NEGR1: variants seen among roughly 807,000 people sequenced by gnomAD.
NEGR1 encodes neuronal growth regulator 1, also known as IgLON family member 4.
In NEGR1, 10 loss-of-function variants were observed where a neutral mutation model predicts 40.9. The observed-to-expected ratio is 0.24, with a 90% CI of 0.15 to 0.42. The LOEUF is 0.42. Ranked by LOEUF, NEGR1 falls within the 10% of genes least tolerant of loss-of-function variation. NEGR1 has a pLI of 1.00. For synonymous variants in NEGR1, 185 were observed against 166.8 expected, an observed-to-expected ratio of 1.11 and a Z score of -0.84; for missense variants, 352 against 438.9, an observed-to-expected ratio of 0.80 and a Z score of 1.77.
chr1:72,279,564 G>T (rs2100570091), intron 1 of NEGR1, among the ~76,000 whole-genome samples: 1 of 152,272 alleles, frequency 6.6e-6, no homozygotes, highest in East Asian at 1.9e-4. Context: ...ATTTTGATGG[G>T]ACAAGGGCAT....
At chr1:72,160,236 A>C (rs1228361541) in intron 1 of NEGR1, among the ~76,000 whole-genome samples, 1 of 152,170 alleles carries the variant, frequency 6.6e-6, no homozygotes, top group Non-Finnish European at 1.5e-5. Context: ...TGATGCGTGA[A>C]CAATATTAGC....
intron 2 of NEGR1, among the ~76,000 whole-genome samples, chr1:71,854,508 T>G (rs1659702329): frequency 6.6e-6 from 1 of 152,100 alleles, no homozygotes. Context: ...AATCAATTGG[T>G]CAGTCAAAAG....
intron 6 of NEGR1, among the ~76,000 whole-genome samples, chr1:71,500,614 AAGTTATCATTACATTAAAT>A (rs1646992769): frequency 6.6e-6 from 1 of 152,040 alleles, no homozygotes. Flanking sequence ...TTACATTAAA[AAGTTATCATTACATTAAAT>A]GTCAGCACTT....
chr1:71,513,223 T>C (rs1237894399), intron 6 of NEGR1, among the ~76,000 whole-genome samples: 3 of 152,188 alleles, frequency 2.0e-5, no homozygotes, highest in Non-Finnish European at 4.4e-5. Context: ...TTTAGTTCAC[T>C]AGTTTGCTGA....
chr1:72,281,594 A>T (rs577048012), intron 1 of NEGR1, among the ~76,000 whole-genome samples: 240 of 151,858 alleles, frequency 1.6e-3, no homozygotes, highest in Middle Eastern at 6.8e-3. Flanking sequence ...AAGGAGGAAT[A>T]AAAAAAATAG....
At chr1:71,502,772 A>C (rs357230) in intron 6 of NEGR1, among the ~76,000 whole-genome samples, 1 of 152,114 alleles carries the variant, frequency 6.6e-6, no homozygotes, top group Admixed American at 6.5e-5. Context: ...TGGACTATAA[A>C]TTCAACCTTG....
intron 1 of NEGR1, among the ~76,000 whole-genome samples, chr1:72,051,490 ATTG>A (rs925131365): frequency 3.3e-5 from 5 of 151,546 alleles, no homozygotes; most frequent in Admixed American, 2.6e-4. Context: ...TATCTACAAA[ATTG>A]TTGTCATTTC....
At chr1:71,504,648 G>A (rs1647020835) in intron 6 of NEGR1, among the ~76,000 whole-genome samples, 1 of 152,174 alleles carries the variant, frequency 6.6e-6, no homozygotes. Flanking sequence ...GGAAGAAAAC[G>A]TAACGTTTTT....
intron 2 of NEGR1, among the ~76,000 whole-genome samples, chr1:71,926,911 C>G (rs542372583): frequency 1.9e-4 from 29 of 152,138 alleles, no homozygotes; most frequent in Admixed American, 5.9e-4. Flanking sequence ...AAGTAAAATA[C>G]TATTTACTGA....
intron 4 of NEGR1, among the ~76,000 whole-genome samples, chr1:71,644,673 C>G (rs1557598322): frequency 6.6e-6 from 1 of 151,788 alleles, no homozygotes; most frequent in Non-Finnish European, 1.5e-5. Context: ...CTGTGTATTT[C>G]AAATGAAAAT....
chr1:71,883,403 A>C (rs1660632584), intron 2 of NEGR1, among the ~76,000 whole-genome samples: 3 of 152,160 alleles, frequency 2.0e-5, no homozygotes, highest in African/African-American at 4.8e-5. Flanking sequence ...AGCTTTGTTA[A>C]ATAAATAGAA....
At chr1:72,097,804 T>G (rs1403590351) in intron 1 of NEGR1, among the ~76,000 whole-genome samples, 8 of 152,200 alleles carry the variant, frequency 5.3e-5, no homozygotes, top group Admixed American at 1.3e-4. Context: ...CCTCACGTGT[T>G]GACTCATTCT....
chr1:71,810,378 T>C (rs1343340964), intron 2 of NEGR1, among the ~76,000 whole-genome samples: 1 of 152,158 alleles, frequency 6.6e-6, no homozygotes, highest in East Asian at 1.9e-4. Context: ...AGTATTCATT[T>C]GAGCCACTAA....
Position 72,118,458 on chromosome 1 carries a change from T to A in NEGR1, c.176+163861A>T, listed in dbSNP as rs1045795210. On this transcript the variant is annotated intron_variant, in intron 1 of 6. Transcript: ENST00000357731. ...AGGACAGATGGTGGGCCATACTTTATTCATTTGGGTTGTGAGGATCCAGCG... is the reference window on the plus strand; with the variant it reads ...AGGACAGATGGTGGGCCATACTTTAATCATTTGGGTTGTGAGGATCCAGCG... Among the ~76,000 whole-genome samples, 4 of 151,912 alleles carry A rather than the reference T, an allele frequency of 2.6e-5. No homozygotes were observed. The East Asian group carries it at 7.8e-4, about 30-fold the overall frequency.
At chr1:71,938,409 T>G (rs1645929285) in intron 1 of NEGR1, among the ~76,000 whole-genome samples, 1 of 118,670 alleles carries the variant, frequency 8.4e-6, no homozygotes. Flanking sequence ...CATGTGTAGG[T>G]GTTTTTTTTT....
intron 1 of NEGR1, among the ~76,000 whole-genome samples, chr1:72,189,885 C>T (rs529106039): frequency 1.3e-5 from 2 of 151,612 alleles, no homozygotes; most frequent in African/African-American, 4.8e-5. Flanking sequence ...AAATGTAGGG[C>T]TGTGTGACCT....
intron 2 of NEGR1, among the ~76,000 whole-genome samples, chr1:71,860,388 C>A (rs971875611): frequency 1.3e-5 from 2 of 151,938 alleles, no homozygotes; most frequent in African/African-American, 2.4e-5. Context: ...AATCTATTCA[C>A]AATCTTTGCC....
intron 6 of NEGR1, among the ~76,000 whole-genome samples, chr1:71,542,613 A>G (rs1647748095): frequency 2.0e-5 from 3 of 151,738 alleles, no homozygotes; most frequent in Admixed American, 2.0e-4. Context: ...GCAGGGATGG[A>G]ATTAGAAGCC....
chr1:71,423,824 C>G (rs989429107), intron 6 of NEGR1, among the ~76,000 whole-genome samples: 1 of 146,526 alleles, frequency 6.8e-6, no homozygotes, highest in Non-Finnish European at 1.5e-5. Context: ...TCCTCACCCA[C>G]CCCCCCTTTT....
Sources: allele counts gnomAD v4.1 joint callset (sites outside exome capture counted in the v4.1 genomes callset), GRCh38; gene constraint gnomAD v4.1.1; transcripts MANE v1.5; gene names NCBI Gene and HGNC (gene_info 2026-07-23, HGNC 2026-07-21).